ADK: variants seen among roughly 807,000 people sequenced by gnomAD.
The protein encoded by ADK is adenosine kinase.
A neutral mutation model predicts 44.7 loss-of-function variants in ADK; 24 were observed. The observed-to-expected ratio is 0.54, with a 90% CI of 0.39 to 0.76. The LOEUF is 0.76. Ranked by LOEUF, ADK falls within the 30% of genes least tolerant of loss-of-function variation. The probability of loss-of-function intolerance (pLI) is 0.00; values close to 1 mark genes in which losing one functional copy is unlikely to be tolerated. For synonymous variants in ADK, 128 were observed against 142.6 expected (o/e 0.90, Z 0.73); for missense variants, 321 against 425.1 (o/e 0.76, Z 2.15).
At chr10:74,620,144 T>C (rs535006763) in intron 9 of ADK, among the ~76,000 whole-genome samples, 1 of 152,336 alleles carries the variant, frequency 6.6e-6, no homozygotes, top group South Asian at 2.1e-4. Context: ...TTCTCACTAT[T>C]TGAAACTATG....
chr10:74,559,980 G>A (rs1470733629), intron 7 of ADK, among the ~76,000 whole-genome samples: 2 of 151,898 alleles, frequency 1.3e-5, no homozygotes, highest in Non-Finnish European at 2.9e-5. Context: ...AGGCTGGAGT[G>A]CAATGGCATG....
chr10:74,557,607 A>C (rs563302036), intron 7 of ADK, among the ~76,000 whole-genome samples: 105 of 152,230 alleles, frequency 6.9e-4, no homozygotes, highest in South Asian at 3.7e-3. Flanking sequence ...TAAAATACTC[A>C]TTTTATTTTA....
At chr10:74,486,819 G>A (rs762884779) in intron 6 of ADK, among the ~76,000 whole-genome samples, 2 of 152,086 alleles carry the variant, frequency 1.3e-5, no homozygotes, top group African/African-American at 2.4e-5. Flanking sequence ...AATCCTGCTG[G>A]CACATGCTGT....
At position 74,224,563 on chromosome 10, in the gene ADK, A is replaced by T. The variant is rs772091738; in HGVS notation, c.166A>T (p.Ile56Phe). ...DKYSLKPNDQ[I>F]LAEDKHKELF... is the part of the protein sequence containing the mutation. ...GTATTCTCTGAAACCAAATGACCAA[A>T]TCTTGGCTGAAGACAAACACAAGGA... is the stretch of plus-strand genomic sequence containing the variant. The change falls in exon 3 of 11, where the codon ATC (isoleucine) becomes TTC (phenylalanine). Residue 56 changes from isoleucine to phenylalanine, a missense_variant. By Grantham distance (21) the Ile-to-Phe change is conservative. Transcript: ENST00000539909. The T allele has an allele frequency of 6.2e-7, 1 of 1,613,796 alleles. No individual in the cohort carries two copies. The highest frequency in any genetic ancestry group is 8.5e-7 in the Non-Finnish European group (1 of 1,179,828).
intron 6 of ADK, among the ~76,000 whole-genome samples, chr10:74,449,960 T>C (rs1429894245): frequency 6.6e-6 from 1 of 152,170 alleles, no homozygotes; most frequent in Non-Finnish European, 1.5e-5. Context: ...ATCTGTTATA[T>C]GTATTCAGAT....
chr10:74,448,218 G>T (rs142778343), intron 6 of ADK, among the ~76,000 whole-genome samples: 1 of 152,104 alleles, frequency 6.6e-6, no homozygotes, highest in Non-Finnish European at 1.5e-5. Context: ...ACTTGGGAGG[G>T]TGAAGTGGGA....
chr10:74,300,972 C>T (rs528600294), intron 3 of ADK, among the ~76,000 whole-genome samples: 2 of 152,240 alleles, frequency 1.3e-5, no homozygotes, highest in African/African-American at 4.8e-5. Flanking sequence ...GAGCTTCTAC[C>T]TTATGTTACA....
intron 6 of ADK, among the ~76,000 whole-genome samples, chr10:74,503,120 G>A (rs1847937695): frequency 6.6e-6 from 1 of 152,016 alleles, no homozygotes; most frequent in African/African-American, 2.4e-5. Flanking sequence ...TGAGCCATAC[G>A]CTACAATAGC....
intron 7 of ADK, among the ~76,000 whole-genome samples, chr10:74,553,415 G>C (rs573663658): frequency 1.3e-5 from 2 of 151,786 alleles, no homozygotes; most frequent in Non-Finnish European, 2.9e-5. Context: ...TGGCCAGGAT[G>C]GTCTCGATCT....
At chr10:74,568,537 A>G (rs1374608854) in intron 7 of ADK, among the ~76,000 whole-genome samples, 1 of 152,172 alleles carries the variant, frequency 6.6e-6, no homozygotes, top group African/African-American at 2.4e-5. Context: ...CACAGTGCAA[A>G]GCAAAAGCAA....
chr10:74,258,709 T>C lies in ADK; in HGVS notation c.194+34118T>C, dbSNP rs556655649. ...AATTCTGATAAAAATCAAAGATTCT[T>C]TGCTAAAAATGAAGGAATGTAGCTG... On this transcript the variant is annotated intron_variant, in intron 3 of 10. Coordinates refer to ENST00000539909, the MANE Select transcript of ADK (RefSeq NM_006721.4). 1.6e-4 allele frequency among the ~76,000 whole-genome samples: 24 copies of C among 152,264 alleles called. No homozygotes were observed. In the South Asian group the frequency reaches 5.0e-3, roughly 32 times the overall value.
At chr10:74,355,480 G>C (rs755576771) in intron 4 of ADK, among the ~76,000 whole-genome samples, 2 of 152,062 alleles carry the variant, frequency 1.3e-5, no homozygotes, top group Admixed American at 6.5e-5. Context: ...ACTTTATTTC[G>C]TTATAAGCCC....
chr10:74,372,498 G>GCATT lies in ADK; in HGVS notation c.274-21640_274-21637dup, dbSNP rs2131978665. 3 of 406,122 alleles carry GCATT rather than the reference G, an allele frequency of 7.4e-6. No homozygotes were observed. The East Asian group carries it at 1.4e-4, about 18-fold the overall frequency. 25.2% of individuals were successfully genotyped at this position (406,122 alleles called of 1,614,324 possible). A position where few individuals can be genotyped will look rare whatever the true frequency, so the allele number is the denominator to read the frequency against. The stretch of plus-strand genomic sequence containing the variant: ...GTCAGTTTAAAAAAAAAAAAGTAAT[G>GCATT]CATTCAGCAAGGTTGACAGATAAAA... On this transcript the variant is annotated intron_variant, in intron 4 of 10. Coordinates refer to ENST00000539909, the MANE Select transcript of ADK (RefSeq NM_006721.4).
chr10:74,639,845 G>GCA lies in ADK; in HGVS notation c.878-30338_878-30337insCA, dbSNP rs1308345417. Reference sequence around the variant, plus strand: ...AGCGAGCAAGAGCAGGCGAGCAAGCGAGACTCCATCTCAAAACAAAAAACA... The same window carrying GCA: ...AGCGAGCAAGAGCAGGCGAGCAAGCGCAAGACTCCATCTCAAAACAAAAAACA... On this transcript the variant is annotated intron_variant, in intron 9 of 10. Transcript: ENST00000539909. Among the ~76,000 whole-genome samples the GCA allele has an allele frequency of 1.2e-3, 185 of 152,250 alleles. 3 individuals are homozygous for GCA. The East Asian group carries it at 0.025, about 21-fold the overall frequency.
intron 1 of ADK, among the ~76,000 whole-genome samples, chr10:74,179,689 C>T (rs1341732934): frequency 6.6e-6 from 1 of 152,186 alleles, no homozygotes; most frequent in East Asian, 1.9e-4. Context: ...TGATTTCTTC[C>T]TTTCCTGGAA....
chr10:74,535,569 G>C (rs140699990), intron 7 of ADK, among the ~76,000 whole-genome samples: 16 of 150,426 alleles, frequency 1.1e-4, no homozygotes, highest in Non-Finnish European at 2.2e-4. Flanking sequence ...ATGCTCAAAG[G>C]TTTTGACCCT....
At chr10:74,676,168 C>T (rs527771449) in intron 10 of ADK, among the ~76,000 whole-genome samples, 18 of 152,020 alleles carry the variant, frequency 1.2e-4, no homozygotes, top group African/African-American at 2.9e-4. Flanking sequence ...CTTGCTCTGT[C>T]GCCCAGGCTG....
At chr10:74,311,900 G>A (rs979121695) in intron 3 of ADK, among the ~76,000 whole-genome samples, 9 of 152,116 alleles carry the variant, frequency 5.9e-5, no homozygotes, top group African/African-American at 2.2e-4. Flanking sequence ...GGGCATGGTG[G>A]CTCACACCTG....
chr10:74,693,553 T>G (rs1291004970), intron 10 of ADK, among the ~76,000 whole-genome samples: 1 of 151,430 alleles, frequency 6.6e-6, no homozygotes, highest in African/African-American at 2.4e-5. Context: ...ATGATTATCC[T>G]TCTTAATTCT....
Sources: allele counts gnomAD v4.1 joint callset (sites outside exome capture counted in the v4.1 genomes callset), GRCh38; gene constraint gnomAD v4.1.1; transcripts MANE v1.5; gene names NCBI Gene and HGNC (gene_info 2026-07-23, HGNC 2026-07-21).